NFAT5: variants seen among roughly 807,000 people sequenced by gnomAD.
NFAT5 encodes nuclear factor of activated T-cells 5.
A neutral mutation model predicts 166.5 loss-of-function variants in NFAT5; 31 were observed. The ratio of observed to expected loss-of-function variants is 0.19; its 90% CI spans 0.14 to 0.25. NFAT5 has a LOEUF of 0.25. Ranked by LOEUF, NFAT5 falls within the 10% of genes least tolerant of loss-of-function variation. The probability of loss-of-function intolerance (pLI) is 1.00; values close to 1 mark genes in which losing one functional copy is unlikely to be tolerated. For missense variants in NFAT5, 1,449 were observed against 1,821.8 expected, an observed-to-expected ratio of 0.80 and a Z score of 3.72; for synonymous variants, 612 against 639.7, an observed-to-expected ratio of 0.96 and a Z score of 0.65.
intron 2 of NFAT5, among the ~76,000 whole-genome samples, chr16:69,601,997 A>G (rs1409410479): frequency 6.6e-6 from 1 of 152,170 alleles, no homozygotes; most frequent in Non-Finnish European, 1.5e-5. Context: ...TGTTGAGGTT[A>G]AGTGCATAGG....
At chr16:69,670,157 T>G in intron 8 of NFAT5, 46 bp downstream of exon 8, 2 of 1,595,356 alleles carry the variant, frequency 1.3e-6, no homozygotes, top group East Asian at 4.5e-5. Context: ...GTTTTCACTT[T>G]GTTATATGGA....
chr16:69,661,839 G>A (rs1464380092), intron 7 of NFAT5, among the ~76,000 whole-genome samples: 1 of 152,106 alleles, frequency 6.6e-6, no homozygotes, highest in Admixed American at 6.6e-5. Context: ...AGTTTAAGGA[G>A]CTTACAGTTT....
At chr16:69,694,296 C>A in intron 13 of NFAT5, 57 bp downstream of exon 13, 1 of 1,368,270 alleles carries the variant, frequency 7.3e-7, no homozygotes, top group Non-Finnish European at 1.0e-6. Context: ...TAGAAGGAAG[C>A]AGAGTGCAGT....
At chr16:69,585,873 C>A (rs916691003) in intron 2 of NFAT5, among the ~76,000 whole-genome samples, 2 of 152,054 alleles carry the variant, frequency 1.3e-5, no homozygotes, top group Admixed American at 1.3e-4. Context: ...GAATGGGAAA[C>A]TATAGTTAAA....
At chr16:69,644,238 T>C (rs2035338426) in intron 3 of NFAT5, among the ~76,000 whole-genome samples, 1 of 151,816 alleles carries the variant, frequency 6.6e-6, no homozygotes, top group Non-Finnish European at 1.5e-5. Flanking sequence ...TGAGCCATGA[T>C]CGTGCCACTG....
chr16:69,623,364 G>A (rs972128531), intron 2 of NFAT5, among the ~76,000 whole-genome samples: 80 of 141,656 alleles, frequency 5.6e-4, no homozygotes, highest in Non-Finnish European at 1.4e-4. Flanking sequence ...GTCTTGCTTT[G>A]TTGGCCAGGC....
At chr16:69,577,727 A>G (rs2016837761) in intron 2 of NFAT5, among the ~76,000 whole-genome samples, 1 of 152,176 alleles carries the variant, frequency 6.6e-6, no homozygotes, top group South Asian at 2.1e-4. Flanking sequence ...ACAAACATAC[A>G]TACTTTTTAA....
At chr16:69,598,870 C>G (rs537962207) in intron 2 of NFAT5, among the ~76,000 whole-genome samples, 5 of 151,676 alleles carry the variant, frequency 3.3e-5, no homozygotes, top group African/African-American at 1.2e-4. Context: ...AAAAATTAGC[C>G]GGGCGCGATG....
Position 69,618,550 on chromosome 16 carries a change from C to T in NFAT5, c.128-7853C>T, listed in dbSNP as rs547598852. ...AATGCTGTCTCTCTTCAATGCAGAA[C>T]GATGTTGGCACATTGTAGATGCCAG... is the stretch of plus-strand genomic sequence containing the variant. On this transcript the variant is annotated intron_variant, in intron 2 of 14. Transcript: ENST00000349945. Among the ~76,000 whole-genome samples the T allele has an allele frequency of 1.5e-4, 23 of 152,234 alleles. No homozygotes were observed. The South Asian group carries it at 1.9e-3, about 12-fold the overall frequency.
At chr16:69,594,820 AC>A (rs1471150639) in intron 2 of NFAT5, among the ~76,000 whole-genome samples, 1 of 152,210 alleles carries the variant, frequency 6.6e-6, no homozygotes, top group Non-Finnish European at 1.5e-5. Context: ...TCACACAATC[AC>A]AAGGTGAGGT....
At chr16:69,601,441 C>T (rs2033127791) in intron 2 of NFAT5, among the ~76,000 whole-genome samples, 1 of 152,200 alleles carries the variant, frequency 6.6e-6, no homozygotes. Context: ...AATCACGGCT[C>T]ACTGTAGCCT....
intron 4 of NFAT5, chr16:69,648,733 A>G (rs2035552165): frequency 1.0e-6 from 1 of 974,904 alleles, no homozygotes; most frequent in Non-Finnish European, 1.2e-6. Context: ...TTAACTCTCT[A>G]GGACCCAGGA....
chr16:69,579,366 A>G (rs1351150513), intron 2 of NFAT5, among the ~76,000 whole-genome samples: 1 of 152,156 alleles, frequency 6.6e-6, no homozygotes, highest in East Asian at 1.9e-4. Context: ...TGCCTATAAT[A>G]TTGGGTACAG....
intron 11 of NFAT5, among the ~76,000 whole-genome samples, chr16:69,689,412 T>G (rs1038174995): frequency 1.1e-4 from 17 of 152,362 alleles, no homozygotes; most frequent in Non-Finnish European, 2.5e-4. Context: ...AAACATGGAA[T>G]GTCAAAAGTT....
chr16:69,670,193 A>G, intron 8 of NFAT5, 43 bp from the exon 9 acceptor site: 1 of 1,565,018 alleles, frequency 6.4e-7, no homozygotes, highest in Admixed American at 2.0e-5. Context: ...AGAGTAAAAA[A>G]AATAGTTCAA....
intron 3 of NFAT5, among the ~76,000 whole-genome samples, chr16:69,640,837 C>T (rs891364343): frequency 4.6e-5 from 7 of 151,876 alleles, no homozygotes; most frequent in East Asian, 3.9e-4. Context: ...CAGAATTAGC[C>T]GGGCGTGGTG....
rs1384477656 is a variant in NFAT5, at chr16:69,693,264, T to C, written c.3439T>C (p.Ser1147Pro). ...SQSTIAVLQG[S>P]SVPQDQQSTN... is the part of the protein sequence containing the mutation. Reference sequence around the variant, plus strand: ...AAGTACCATTGCTGTGTTACAGGGCTCTTCAGTTCCTCAAGACCAGCAGTC... The same window carrying C: ...AAGTACCATTGCTGTGTTACAGGGCCCTTCAGTTCCTCAAGACCAGCAGTC... Residue 1147 changes from serine (S) to proline (P), a missense_variant, in exon 13 of 15, where the codon TCT becomes CCT. This residue lies in a region of NFAT5 where 891 missense variants were observed against 993.0 expected (regional missense o/e 0.90). Coordinates refer to ENST00000349945, the MANE Select transcript of NFAT5 (RefSeq NM_138713.4). The C allele has an allele frequency of 6.2e-7, 1 of 1,614,226 alleles. No homozygotes were observed. Among genetic ancestry groups the C allele is most frequent in the Non-Finnish European group, 8.5e-7 (1 of 1,180,034 alleles).
At chr16:69,676,510 A>G (rs2036839168) in intron 9 of NFAT5, among the ~76,000 whole-genome samples, 1 of 152,000 alleles carries the variant, frequency 6.6e-6, no homozygotes, top group Non-Finnish European at 1.5e-5. Context: ...TGGTGGGCAT[A>G]TTTTTTTTCT....
At chr16:69,582,669 G>T (rs951076719) in intron 2 of NFAT5, among the ~76,000 whole-genome samples, 2 of 149,244 alleles carry the variant, frequency 1.3e-5, no homozygotes, top group African/African-American at 2.5e-5. Context: ...ATTGGGCATA[G>T]ATGTATGGCT....
Sources: allele counts gnomAD v4.1 joint callset (sites outside exome capture counted in the v4.1 genomes callset), GRCh38; gene constraint gnomAD v4.1.1; regional missense constraint gnomAD v4.1.1; transcripts MANE v1.5; gene names NCBI Gene and HGNC (gene_info 2026-07-23, HGNC 2026-07-21).